DNER: variants seen among roughly 807,000 people sequenced by gnomAD.
DNER encodes the protein delta and Notch-like epidermal growth factor-related receptor.
A neutral mutation model predicts 78.2 loss-of-function variants in DNER; 33 were observed. The ratio of observed to expected loss-of-function variants is 0.42; its 90% confidence interval spans 0.32 to 0.56. The LOEUF is 0.56. Among genes scored for constraint, DNER ranks in the 20% least tolerant of loss-of-function variants. The probability of loss-of-function intolerance (pLI) is 0.11; values close to 1 mark genes in which losing one functional copy is unlikely to be tolerated. For synonymous variants in DNER, 417 were observed against 384.8 expected, an observed-to-expected ratio of 1.08 and a Z score of -0.98; for missense variants, 918 against 975.3, an observed-to-expected ratio of 0.94 and a Z score of 0.78.
intron 8 of DNER, among the ~76,000 whole-genome samples, chr2:229,443,185 C>A (rs1041229023): frequency 6.6e-6 from 1 of 152,218 alleles, no homozygotes; most frequent in Non-Finnish European, 1.5e-5. Flanking sequence ...GAGGCACATT[C>A]TATAATGGCA....
intron 8 of DNER, among the ~76,000 whole-genome samples, chr2:229,440,836 C>T (rs926901847): frequency 1.3e-5 from 2 of 152,184 alleles, no homozygotes; most frequent in African/African-American, 2.4e-5. Flanking sequence ...CTGATGATCC[C>T]GATCCTCACA....
intron 4 of DNER, among the ~76,000 whole-genome samples, chr2:229,570,518 G>A (rs1574908405): frequency 1.3e-5 from 2 of 151,912 alleles, no homozygotes; most frequent in Middle Eastern, 3.4e-3. Context: ...TCCCAGCTAC[G>A]TGGGAGGCTG....
intron 8 of DNER, among the ~76,000 whole-genome samples, chr2:229,441,491 C>T (rs77376424): frequency 0.027 from 4,119 of 152,098 alleles, 81 homozygotes; most frequent in Middle Eastern, 0.061. Flanking sequence ...AGGATTTGAA[C>T]TCTGGTTAGG....
At chr2:229,427,943 C>G (rs914160547) in intron 8 of DNER, among the ~76,000 whole-genome samples, 2 of 151,864 alleles carry the variant, frequency 1.3e-5, no homozygotes, top group African/African-American at 4.8e-5. Context: ...GGCGTGGTGG[C>G]ACACACCTAT....
At chr2:229,440,700 C>T (rs1173414662) in intron 8 of DNER, among the ~76,000 whole-genome samples, 2 of 152,226 alleles carry the variant, frequency 1.3e-5, no homozygotes, top group African/African-American at 4.8e-5. Flanking sequence ...CCATGTTGCT[C>T]AGCCTGCTGT....
At chr2:229,704,533 A>G (rs1300123578) in intron 1 of DNER, among the ~76,000 whole-genome samples, 2 of 152,260 alleles carry the variant, frequency 1.3e-5, no homozygotes, top group African/African-American at 2.4e-5. Context: ...GAAACAAACA[A>G]TTGATACATG....
rs369468563 is a variant in DNER at position 229,588,403 on chromosome 2, G to A, written c.671C>T (p.Thr224Ile). The change falls in exon 3 of 13, where the codon ACC becomes ATC. Residue 224 changes from threonine (T) to isoleucine (I), a missense_variant. Coordinates refer to ENST00000341772, the MANE Select transcript of DNER (RefSeq NM_139072.4). ...RLVSFEVPQN[T>I]SVKIRQDATA... The stretch of plus-strand genomic sequence containing the variant: ...CTCAGAATTTTCTTACTTGACTGAG[G>A]TGTTCTGTGGCACTTCAAAGGATAC... The A allele has an allele frequency of 6.2e-7, 1 of 1,602,172 alleles. No individual in the cohort carries two copies. The highest frequency in any genetic ancestry group is 1.3e-5 in the African/African-American group (1 of 74,276).
intron 1 of DNER, among the ~76,000 whole-genome samples, chr2:229,713,373 G>A (rs753341594): frequency 6.6e-6 from 1 of 152,154 alleles, no homozygotes; most frequent in Non-Finnish European, 1.5e-5. Flanking sequence ...ACATCCCATC[G>A]TCCCATCCCT....
intron 1 of DNER, among the ~76,000 whole-genome samples, chr2:229,621,189 A>G (rs1698245829): frequency 6.6e-6 from 1 of 152,236 alleles, no homozygotes; most frequent in Admixed American, 6.5e-5. Flanking sequence ...AATAATAACT[A>G]CATGAGTACG....
intron 1 of DNER, among the ~76,000 whole-genome samples, chr2:229,622,614 A>G (rs539580840): frequency 6.6e-6 from 1 of 152,192 alleles, no homozygotes; most frequent in Non-Finnish European, 1.5e-5. Flanking sequence ...TGTAATCCCC[A>G]GTACCTCAGA....
rs115100819 is a variant in DNER, at chr2:229,521,323, G to A, written c.994-8387C>T. The stretch of plus-strand genomic sequence containing the variant: ...GTGTGTCCTGGCCGACTCATGTAAC[G>A]ACACAGCATTGGTCAGGGTCTAGCG... On this transcript the variant is annotated intron_variant, in intron 5 of 12. Transcript: ENST00000341772. Among the ~76,000 whole-genome samples, 1,217 of 152,268 alleles carry A rather than the reference G, an allele frequency of 8.0e-3. 23 individuals carry two copies. The highest frequency in any genetic ancestry group is 0.028 in the African/African-American group (1,158 of 41,556).
At chr2:229,440,528 A>T (rs1228845506) in intron 8 of DNER, among the ~76,000 whole-genome samples, 2 of 151,684 alleles carry the variant, frequency 1.3e-5, no homozygotes, top group Admixed American at 6.6e-5. Flanking sequence ...CTCTCTTCCA[A>T]TTTTTTCCCC....
intron 6 of DNER, among the ~76,000 whole-genome samples, chr2:229,493,309 G>C (rs551162599): frequency 6.6e-6 from 1 of 152,344 alleles, no homozygotes; most frequent in Admixed American, 6.5e-5. Context: ...TGGTGGTTCT[G>C]AACTTGTATC....
intron 4 of DNER, among the ~76,000 whole-genome samples, chr2:229,562,409 T>C (rs1696977321): frequency 1.3e-5 from 2 of 152,226 alleles, no homozygotes; most frequent in South Asian, 2.1e-4. Flanking sequence ...AAGTGTCTAA[T>C]GTCATTCCTC....
At chr2:229,678,319 CA>C (rs2154217019) in intron 1 of DNER, among the ~76,000 whole-genome samples, 1 of 152,304 alleles carries the variant, frequency 6.6e-6, no homozygotes, top group East Asian at 1.9e-4. Context: ...ATACCTCCTT[CA>C]TGAGATTCTG....
rs187501542 is a variant in DNER, at chr2:229,377,574, A to G, written c.1856-10455T>C. Among the ~76,000 whole-genome samples, 32 of 152,350 alleles carry G rather than the reference A, an allele frequency of 2.1e-4. No individual in the cohort carries two copies. The East Asian group carries it at 5.6e-3, about 27-fold the overall frequency. On this transcript the variant is annotated intron_variant, in intron 11 of 12. Transcript: ENST00000341772. ...AGAACTGTGGGTTTTCATTTGCCTT[A>G]AAACATGTGTAAATCACTACAGCTA...
intron 8 of DNER, among the ~76,000 whole-genome samples, chr2:229,433,933 T>C (rs1409268577): frequency 6.6e-6 from 1 of 152,110 alleles, no homozygotes; most frequent in Non-Finnish European, 1.5e-5. Flanking sequence ...GAATAAAACA[T>C]AAAAGCTCTA....
intron 4 of DNER, among the ~76,000 whole-genome samples, chr2:229,582,117 A>G (rs1323338509): frequency 2.6e-5 from 4 of 152,226 alleles, no homozygotes; most frequent in Non-Finnish European, 5.9e-5. Flanking sequence ...TGTTTGTTAA[A>G]TGAACGCCAC....
chr2:229,714,240 G>T lies in DNER; in HGVS notation c.184C>A (p.Arg62Ser). 2 of 1,418,158 alleles carry T rather than the reference G, an allele frequency of 1.4e-6. No individual in the cohort carries two copies. The highest frequency in any genetic ancestry group is 1.8e-6 in the Non-Finnish European group (2 of 1,088,534). 87.8% of individuals were successfully genotyped at this position (1,418,158 alleles called of 1,614,324 possible). ...GGGTGCTGCGGGTCCGGCTCAGGGCGCGAGGTGCACACACCCCCATTCCGG... is the reference window on the plus strand; with the variant it reads ...GGGTGCTGCGGGTCCGGCTCAGGGCTCGAGGTGCACACACCCCCATTCCGG... The part of the protein sequence containing the change: ...PCRNGGVCTS[R>S]PEPDPQHPAP... The change falls in exon 1 of 13, where the codon CGC becomes AGC. Residue 62 changes from arginine to serine, a missense_variant. Physicochemically the swap from Arg to Ser is moderately radical, Grantham distance 110. Transcript: ENST00000341772.
Sources: gnomAD v4.1 joint callset for allele counts (sites outside exome capture counted in the v4.1 genomes callset) on GRCh38, gnomAD v4.1.1 for gene constraint, MANE v1.5 for transcripts, NCBI Gene and HGNC (gene_info 2026-07-23, HGNC 2026-07-21) for gene names.